The following ACAA2 variants were observed in gnomAD, a reference collection of about 807,000 sequenced individuals.
ACAA2 encodes acetyl-CoA acyltransferase 2, also known as 3-ketoacyl-CoA thiolase, mitochondrial.
ACAA2 carries 35 observed loss-of-function variants against 44.8 expected under a neutral mutation model. The observed-to-expected ratio is 0.78, with a 90% CI of 0.60 to 1.04. The LOEUF (loss-of-function observed/expected upper bound fraction) is 1.04. ACAA2 is among the 50% of genes least tolerant of loss of function. ACAA2 has a pLI of 0.00. For synonymous variants in ACAA2, 142 were observed against 166.5 expected (o/e 0.85, Z 1.13); for missense variants, 468 against 482.6 (o/e 0.97, Z 0.28).
At position 49,799,227 on chromosome 18, in the gene ACAA2, C is replaced by T. The variant is rs956216989; in HGVS notation, c.184-1633G>A. ...ATCCACAGCTCTCCCTCTCCCCCTCCTCCTCCCCCTCTCCCCACGGTCTCC... is the reference window on the plus strand; with the variant it reads ...ATCCACAGCTCTCCCTCTCCCCCTCTTCCTCCCCCTCTCCCCACGGTCTCC... On this transcript the variant is annotated intron_variant, in intron 2 of 9. Transcript: ENST00000285093. 4.6e-5 allele frequency among the ~76,000 whole-genome samples: 7 copies of T among 152,200 alleles called. No individual in the cohort carries two copies. In the East Asian group the frequency reaches 1.2e-3, roughly 25 times the overall value.
chr18:49,787,050 G>C (rs2023338520), intron 8 of ACAA2, among the ~76,000 whole-genome samples: 1 of 152,068 alleles, frequency 6.6e-6, no homozygotes, highest in Admixed American at 6.6e-5. Flanking sequence ...ATTTATACTT[G>C]AGTAAGAGAA....
chr18:49,795,812 A>C lies in ACAA2; in HGVS notation c.382T>G (p.Cys128Gly). 1.2e-6 allele frequency: 2 copies of C among 1,612,112 alleles called. No homozygotes were observed. ...GTESMSQAPY[C>G]VRNVRFGTKL... ...GTTCCAAAACGCACATTTCTGACAC[A>C]GTAGGGAGCTTGGCTCATGCTTTCG... is the stretch of plus-strand genomic sequence containing the variant. The change falls in exon 4 of 10, where the codon TGT (cysteine) becomes GGT (glycine). Residue 128 changes from cysteine to glycine, a missense_variant. By Grantham distance (159) the Cys-to-Gly change is radical. Coordinates refer to ENST00000285093, the MANE Select transcript of ACAA2 (RefSeq NM_006111.3).
chr18:49,792,037 T>A, intron 6 of ACAA2, 115 bp downstream of exon 6: 1 of 734,350 alleles, frequency 1.4e-6, no homozygotes. Context: ...TGAACACTAT[T>A]AGTTTAAGCT....
chr18:49,790,652 A>G (rs187891957), intron 7 of ACAA2, among the ~76,000 whole-genome samples: 2 of 152,312 alleles, frequency 1.3e-5, no homozygotes, highest in Admixed American at 1.3e-4. Context: ...CTGTTCCCCC[A>G]GAGAATGACA....
chr18:49,791,023 G>A (rs1291750858), intron 7 of ACAA2, among the ~76,000 whole-genome samples: 2 of 152,152 alleles, frequency 1.3e-5, no homozygotes, highest in Non-Finnish European at 2.9e-5. Context: ...CTCCCTTACT[G>A]GAGACGTGGG....
At chr18:49,794,092 G>T (rs1371661536) in intron 5 of ACAA2, among the ~76,000 whole-genome samples, 188 bp downstream of exon 5, 1 of 152,162 alleles carries the variant, frequency 6.6e-6, no homozygotes, top group Non-Finnish European at 1.5e-5. Flanking sequence ...TTTCAAAAGA[G>T]AAATTCCTAG....
intron 4 of ACAA2, among the ~76,000 whole-genome samples, chr18:49,794,784 T>C (rs2023446612): frequency 6.6e-6 from 1 of 152,208 alleles, no homozygotes; most frequent in South Asian, 2.1e-4. Context: ...CTTCATGCAA[T>C]GTTTTCTTAT....
At chr18:49,784,222 AAC>A (rs2023300681) in intron 9 of ACAA2, among the ~76,000 whole-genome samples, 1 of 152,248 alleles carries the variant, frequency 6.6e-6, no homozygotes, top group Admixed American at 6.5e-5. Context: ...GGGTATATGA[AAC>A]ACATACAGAA....
At chr18:49,806,838 A>G (rs896836090) in intron 1 of ACAA2, among the ~76,000 whole-genome samples, 1 of 152,240 alleles carries the variant, frequency 6.6e-6, no homozygotes, top group Admixed American at 6.5e-5. Context: ...AATACCTGAA[A>G]TAAAAAATTC....
chr18:49,782,173 A>C lies in ACAA2; in HGVS notation c.*1674T>G, dbSNP rs185452652. On this transcript the variant is annotated 3_prime_UTR_variant, in exon 10 of 10. Coordinates refer to ENST00000285093, the MANE Select transcript of ACAA2 (RefSeq NM_006111.3). ...TATGTAAAAAACAAAATGTTCTGCAAAACATTGTTTTATTATGAGAAATTA... is the reference window on the plus strand; with the variant it reads ...TATGTAAAAAACAAAATGTTCTGCACAACATTGTTTTATTATGAGAAATTA... 6.6e-6 allele frequency: 1 copy of C among 152,262 alleles called. No individual in the cohort carries two copies. The highest frequency in any genetic ancestry group is 2.4e-5 in the African/African-American group (1 of 41,510). 9.4% of individuals were successfully genotyped at this position (152,262 alleles called of 1,614,324 possible).
intron 1 of ACAA2, among the ~76,000 whole-genome samples, chr18:49,803,771 ACT>A (rs2023582821): frequency 6.6e-6 from 1 of 152,070 alleles, no homozygotes; most frequent in Non-Finnish European, 1.5e-5. Flanking sequence ...TCAACCACTC[ACT>A]CTATAAGAAC....
intron 3 of ACAA2, among the ~76,000 whole-genome samples, chr18:49,796,089 T>A (rs925180532): frequency 6.6e-6 from 1 of 152,148 alleles, no homozygotes; most frequent in African/African-American, 2.4e-5. Flanking sequence ...ACTAAAAGGT[T>A]TCAATCATGT....
Position 49,797,581 on chromosome 18 carries a change from G to C in ACAA2, c.197C>G (p.Ala66Gly), listed in dbSNP as rs1383707487. Reference protein sequence around the residue: ...MGNVLQSSSDAIYLARHVGLR... With the variant: ...MGNVLQSSSDGIYLARHVGLR... ...ACCAACATGCCTTGCCAAATATATA[G>C]CATCTGAAGAACTCTAGAAGAGAGA... The change falls in exon 3 of 10, where the codon GCT becomes GGT. Residue 66 changes from alanine (A) to glycine (G), a missense_variant. Transcript: ENST00000285093. The C allele has an allele frequency of 6.2e-7, 1 of 1,607,638 alleles. No homozygotes were observed. The highest frequency in any genetic ancestry group is 8.5e-7 in the Non-Finnish European group (1 of 1,177,808).
Position 49,794,381 on chromosome 18 carries a change from A to T in ACAA2, c.476T>A (p.Leu159His). ...WVSLTDQHVQ[L>H]PMAMTAENLA... ...ATTCTCTGCAGTCATTGCCATGGGG[A>T]GCTGGACATGCTGATCTGTTAATGA... is the stretch of plus-strand genomic sequence containing the variant. The change falls in exon 5 of 10, where the codon CTC (leucine) becomes CAC (histidine). Residue 159 changes from leucine to histidine, a missense_variant. Coordinates refer to ENST00000285093, the MANE Select transcript of ACAA2 (RefSeq NM_006111.3). 2 of 1,610,652 alleles carry T rather than the reference A, an allele frequency of 1.2e-6. No homozygotes were observed. The highest frequency in any genetic ancestry group is 8.5e-7 in the Non-Finnish European group (1 of 1,179,050).
intron 1 of ACAA2, among the ~76,000 whole-genome samples, chr18:49,806,811 A>G (rs1327850757): frequency 6.6e-6 from 1 of 152,242 alleles, no homozygotes; most frequent in Non-Finnish European, 1.5e-5. Flanking sequence ...TCCAAAATGG[A>G]AATTCCAAAA....
intron 7 of ACAA2, among the ~76,000 whole-genome samples, chr18:49,787,699 T>C (rs1244104151): frequency 6.6e-6 from 1 of 152,170 alleles, no homozygotes; most frequent in African/African-American, 2.4e-5. Flanking sequence ...AAAAGTTGTT[T>C]ATACATTCAA....
chr18:49,784,495 A>AAAATTATCCAGGAATTAC lies in ACAA2; in HGVS notation c.1110-582_1110-565dup, dbSNP rs559607137. Among the ~76,000 whole-genome samples, 102 of 152,328 alleles carry AAAATTATCCAGGAATTAC rather than the reference A, an allele frequency of 6.7e-4. 4 individuals carry two copies. In the East Asian group the frequency reaches 0.019, roughly 28 times the overall value. On this transcript the variant is annotated intron_variant, in intron 9 of 9. Coordinates refer to ENST00000285093, the MANE Select transcript of ACAA2 (RefSeq NM_006111.3). ...TCACTCCTAATATGATGACTTCGAG[A>AAAATTATCCAGGAATTAC]AAATTATCCAGGAATTACTTTTGTA...
intron 2 of ACAA2, among the ~76,000 whole-genome samples, chr18:49,800,487 G>A (rs867602903): frequency 3.3e-5 from 5 of 152,166 alleles, no homozygotes; most frequent in Non-Finnish European, 5.9e-5. Context: ...TTGAGAAATC[G>A]GATGGTTGCC....
rs144219540 is a variant in ACAA2 at position 49,808,659 on chromosome 18, G to A, written c.16+4810C>T. Among the ~76,000 whole-genome samples the A allele has an allele frequency of 1.7e-3, 262 of 152,214 alleles. 5 individuals are homozygous for A. The East Asian group carries it at 0.042, about 24-fold the overall frequency. ...GATTTCAAAAGGGGAGCAGGTGTAC[G>A]AACAGGGAGTAGGTCACAAAGATCA... On this transcript the variant is annotated intron_variant, in intron 1 of 9. Transcript: ENST00000285093.
Sources: gnomAD v4.1 joint callset for allele counts (sites outside exome capture counted in the v4.1 genomes callset) on GRCh38, gnomAD v4.1.1 for gene constraint, MANE v1.5 for transcripts, NCBI Gene and HGNC (gene_info 2026-07-23, HGNC 2026-07-21) for gene names.